Variants in SLC25A28 observed in about 807,000 individuals in gnomAD.
SLC25A28 encodes solute carrier family 25 member 28.
In SLC25A28, 10 loss-of-function variants were observed where a neutral mutation model predicts 31.9. The observed-to-expected ratio is 0.31, with a 90% confidence interval of 0.19 to 0.53. The LOEUF (loss-of-function observed/expected upper bound fraction) is 0.53. Among genes scored for constraint, SLC25A28 ranks in the 20% least tolerant of loss-of-function variants. SLC25A28 has a pLI of 0.95. For missense variants in SLC25A28, 256 were observed against 490.3 expected (o/e 0.52, Z 4.51); for synonymous variants, 208 against 203.6 (o/e 1.02, Z -0.19).
the SLC25A28 span, among the ~76,000 whole-genome samples, chr10:99,633,398 T>C: frequency 6.6e-6 from 1 of 152,098 alleles, no homozygotes; most frequent in Non-Finnish European, 1.5e-5. Flanking sequence ...CAAACTAGCA[T>C]ATAAAAGCCT....
chr10:99,625,602 A>G (rs2034869250), upstream of SLC25A28, among the ~76,000 whole-genome samples: 2 of 152,162 alleles, frequency 1.3e-5, no homozygotes, highest in African/African-American at 2.4e-5. Context: ...CTTTAGTAAT[A>G]GAAACCTCAA....
chr10:99,656,000 T>C, the SLC25A28 span, among the ~76,000 whole-genome samples: 14 of 152,230 alleles, frequency 9.2e-5, no homozygotes, highest in East Asian at 1.9e-3. Flanking sequence ...TACTATGGGA[T>C]CACAGGATGG....
rs372956228 is a variant in SLC25A28, at chr10:99,613,690, C to T, written c.520+6G>A. 1 of 1,614,202 alleles carries T rather than the reference C, an allele frequency of 6.2e-7. No homozygotes were observed. Among genetic ancestry groups the T allele is most frequent in the Non-Finnish European group, 8.5e-7 (1 of 1,180,038 alleles). On this transcript the variant is annotated splice_donor_region_variant and intron_variant, in intron 2 of 3. Transcript: ENST00000370495. The surrounding 1 kb of genome is among the most constrained non-coding windows in gnomAD (Gnocchi z 4.9). ...GTGGGGGAACCAGCACAGGAAGGCT[C>T]AATACCATTGGCAATATGGCTATTG...
At chr10:99,619,931 G>C in intron 1 of SLC25A28, 114 bp downstream of exon 1, 1 of 1,114,188 alleles carries the variant, frequency 9.0e-7, no homozygotes, top group Non-Finnish European at 1.2e-6. Flanking sequence ...GTAGTGGCAG[G>C]AGCCAGGAAG....
the SLC25A28 span, among the ~76,000 whole-genome samples, chr10:99,658,675 G>C: frequency 6.6e-6 from 1 of 152,120 alleles, no homozygotes; most frequent in Non-Finnish European, 1.5e-5. Flanking sequence ...GCTGGAGCGT[G>C]GTAAGGAAGG....
chr10:99,639,643 G>GC, the SLC25A28 span, among the ~76,000 whole-genome samples: 31 of 147,766 alleles, frequency 2.1e-4, no homozygotes, highest in African/African-American at 2.3e-4. Context: ...TTGACTCCCT[G>GC]CCCCCCCATC....
upstream of SLC25A28, among the ~76,000 whole-genome samples, chr10:99,623,277 A>G (rs546923520): frequency 1.8e-4 from 28 of 152,288 alleles, no homozygotes; most frequent in African/African-American, 6.5e-4. Flanking sequence ...TACAACACGA[A>G]GTTGGAAAGA....
rs1225486787 is a variant in SLC25A28 at position 99,610,833 on chromosome 10, T to A, written c.*16A>T. The stretch of plus-strand genomic sequence containing the variant: ...CAGCAGTGTCATCTGAACCCCTGGC[T>A]TCGTTCAGTGCTACTTCACTTGCCA... On this transcript the variant is annotated 3_prime_UTR_variant, in exon 4 of 4. Coordinates refer to ENST00000370495, the MANE Select transcript of SLC25A28 (RefSeq NM_031212.4). 3 of 1,606,100 alleles carry A rather than the reference T, an allele frequency of 1.9e-6. No homozygotes were observed. The Admixed American group carries it at 5.0e-5, about 27-fold the overall frequency.
intron 1 of SLC25A28, chr10:99,615,952 A>G: frequency 1.0e-6 from 1 of 985,438 alleles, no homozygotes; most frequent in East Asian, 1.1e-4. Context: ...GTGGGAAGCT[A>G]CTTTGAACAT....
chr10:99,637,914 C>T, the SLC25A28 span, among the ~76,000 whole-genome samples: 2 of 152,048 alleles, frequency 1.3e-5, no homozygotes, highest in Non-Finnish European at 2.9e-5. Context: ...ATCAAAATAC[C>T]GTCATCATTC....
chr10:99,638,513 T>C, the SLC25A28 span, among the ~76,000 whole-genome samples: 1 of 151,794 alleles, frequency 6.6e-6, no homozygotes, highest in Non-Finnish European at 1.5e-5. Context: ...ACCCACAGAG[T>C]GGGAGAAAAT....
At chr10:99,646,642 C>T in the SLC25A28 span, among the ~76,000 whole-genome samples, 1 of 152,202 alleles carries the variant, frequency 6.6e-6, no homozygotes, top group Admixed American at 6.5e-5. Context: ...GTCACTCACG[C>T]TGGGAGCTGT....
the SLC25A28 span, among the ~76,000 whole-genome samples, chr10:99,640,769 A>G: frequency 6.7e-6 from 1 of 148,696 alleles, no homozygotes; most frequent in Admixed American, 6.8e-5. Flanking sequence ...CCTGTGTCCA[A>G]GTGTTCTCAT....
At chr10:99,639,557 A>G in the SLC25A28 span, among the ~76,000 whole-genome samples, 1 of 152,112 alleles carries the variant, frequency 6.6e-6, no homozygotes, top group Non-Finnish European at 1.5e-5. Context: ...ACCTAAAAAA[A>G]AATTCCCTGG....
At chr10:99,629,061 C>T in the SLC25A28 span, among the ~76,000 whole-genome samples, 2 of 152,158 alleles carry the variant, frequency 1.3e-5, no homozygotes, top group African/African-American at 4.8e-5. Flanking sequence ...CTGTCCCCTC[C>T]AAATCTCATG....
intron 1 of SLC25A28, chr10:99,619,436 G>A: frequency 1.0e-6 from 1 of 984,952 alleles, no homozygotes; most frequent in Non-Finnish European, 1.2e-6. Flanking sequence ...TTGCTTCACA[G>A]AGAAACTGAA....
chr10:99,618,370 T>C, intron 1 of SLC25A28: 9 of 985,428 alleles, frequency 9.1e-6, no homozygotes, highest in Non-Finnish European at 1.1e-5. Context: ...ACTGTTTTCA[T>C]TGATCTGTTT....
At chr10:99,644,252 G>A in the SLC25A28 span, among the ~76,000 whole-genome samples, 1 of 152,146 alleles carries the variant, frequency 6.6e-6, no homozygotes, top group African/African-American at 2.4e-5. Context: ...GGGTGCTCCC[G>A]TATTGGGTGC....
chr10:99,659,253 C>T, the SLC25A28 span, among the ~76,000 whole-genome samples: 1 of 152,240 alleles, frequency 6.6e-6, no homozygotes, highest in East Asian at 1.9e-4. The surrounding 1 kb of genome is among the most constrained non-coding windows in gnomAD (Gnocchi z 4.1). Context: ...CACCTGTGAG[C>T]TCTCCGCGGG....
Sources: allele counts gnomAD v4.1 joint callset (sites outside exome capture counted in the v4.1 genomes callset), GRCh38; gene constraint gnomAD v4.1.1; non-coding constraint Gnocchi (gnomAD v3.1); transcripts MANE v1.5; gene names NCBI Gene and HGNC (gene_info 2026-07-23, HGNC 2026-07-21).